WWC2: variants seen among roughly 807,000 people sequenced by gnomAD.
WWC2 encodes the protein protein WWC2.
Under a neutral mutation model 138.5 loss-of-function variants are expected in WWC2, and 101 were observed. The observed-to-expected ratio is 0.73, with a 90% confidence interval of 0.62 to 0.86. The LOEUF (loss-of-function observed/expected upper bound fraction) is 0.86, where lower values mean the gene tolerates loss of function less well. Among genes scored for constraint, WWC2 ranks in the 40% least tolerant of loss-of-function variants. The pLI is 0.00. For synonymous variants in WWC2, 558 were observed against 538.4 expected (o/e 1.04, Z -0.50); for missense variants, 1,420 against 1,419.4 (o/e 1.00, Z -0.01).
At chr4:183,230,640 G>T (rs1290155143) in intron 4 of WWC2, among the ~76,000 whole-genome samples, 2 of 151,980 alleles carry the variant, frequency 1.3e-5, no homozygotes, top group Non-Finnish European at 2.9e-5. Flanking sequence ...TTGTGTCATT[G>T]CACCCAGCCT....
chr4:183,109,825 G>C (rs1732171231), intron 1 of WWC2, among the ~76,000 whole-genome samples: 1 of 152,216 alleles, frequency 6.6e-6, no homozygotes, highest in African/African-American at 2.4e-5. Context: ...TGCTGAATTT[G>C]AGGAGCTGTC....
chr4:183,145,069 C>T (rs1339699261), intron 1 of WWC2, among the ~76,000 whole-genome samples: 5 of 152,104 alleles, frequency 3.3e-5, no homozygotes, highest in South Asian at 4.2e-4. Flanking sequence ...AGAGAGAAGG[C>T]GTTATCAATT....
chr4:183,311,135 T>G (rs1036378749), intron 21 of WWC2, among the ~76,000 whole-genome samples: 2 of 152,178 alleles, frequency 1.3e-5, no homozygotes, highest in Non-Finnish European at 2.9e-5. Context: ...AGTCCACAAA[T>G]ATTTATTGAT....
intron 21 of WWC2, among the ~76,000 whole-genome samples, chr4:183,297,436 C>T (rs1023006811): frequency 4.8e-5 from 7 of 147,026 alleles, no homozygotes; most frequent in African/African-American, 1.5e-4. Flanking sequence ...TGACATGGAG[C>T]TTCACTCTTG....
At chr4:183,262,775 T>TGTGCGTGC (rs533691294) in intron 11 of WWC2, among the ~76,000 whole-genome samples, 2 of 152,042 alleles carry the variant, frequency 1.3e-5, no homozygotes, top group South Asian at 2.1e-4. Flanking sequence ...GTACGGTGTG[T>TGTGCGTGC]GTGCGTGCGT....
chr4:183,182,620 C>T (rs77831943), intron 1 of WWC2, among the ~76,000 whole-genome samples: 1 of 150,248 alleles, frequency 6.7e-6, no homozygotes, highest in East Asian at 2.0e-4. Context: ...TAAAAACCTG[C>T]TGAATTATTG....
chr4:183,164,282 ATATATATATATATATATAC>A, intron 1 of WWC2, among the ~76,000 whole-genome samples: 1 of 466 alleles, frequency 2.1e-3, no homozygotes. Context: ...ATATATATAT[ATATATATATATATATATAC>A]ATATATATAT....
rs1736682191 is a variant in WWC2, at chr4:183,243,703, AGGGGATCT to A, written c.603-1712_603-1705del. Among the ~76,000 whole-genome samples, 14 of 149,352 alleles carry A rather than the reference AGGGGATCT, an allele frequency of 9.4e-5. No homozygotes were observed. In the South Asian group the frequency reaches 2.8e-3, roughly 29 times the overall value. ...TTCTTCATTTGGAAGAAATGTGACT[AGGGGATCT>A]TTAGGGGCCCTCCCCATTCTAAACA... On this transcript the variant is annotated intron_variant, in intron 5 of 22. Transcript: ENST00000403733.
At chr4:183,227,786 T>C (rs776760051) in intron 4 of WWC2, among the ~76,000 whole-genome samples, 11 of 152,042 alleles carry the variant, frequency 7.2e-5, no homozygotes, top group Admixed American at 2.0e-4. Context: ...CAGAATGTTA[T>C]ACACAGCAAA....
chr4:183,280,981 C>A, intron 17 of WWC2, 84 bp downstream of exon 17: 1 of 1,467,168 alleles, frequency 6.8e-7, no homozygotes, highest in South Asian at 1.5e-5. Flanking sequence ...TAGGCTCATG[C>A]TTTATTCCAG....
Position 183,099,365 on chromosome 4 carries a change from C to G in WWC2, c.-127C>G, listed in dbSNP as rs1160230135. 9.9e-7 allele frequency: 1 copy of G among 1,013,384 alleles called. No homozygotes were observed. Among genetic ancestry groups the G allele is most frequent in the East Asian group, 4.6e-5 (1 of 21,766 alleles). 62.8% of individuals were successfully genotyped at this position (1,013,384 alleles called of 1,614,324 possible). Reference sequence around the variant, plus strand: ...CGCGTGGTTCCGCCGCGCCCCGCGCCCTGCGCCCCTCAGCCCCTCGCCGGC... The same window carrying G: ...CGCGTGGTTCCGCCGCGCCCCGCGCGCTGCGCCCCTCAGCCCCTCGCCGGC... On this transcript the variant is annotated 5_prime_UTR_variant, in exon 1 of 23. Coordinates refer to ENST00000403733, the MANE Select transcript of WWC2 (RefSeq NM_024949.6).
chr4:183,244,339 C>A (rs967047978), intron 5 of WWC2, among the ~76,000 whole-genome samples: 1 of 152,040 alleles, frequency 6.6e-6, no homozygotes, highest in African/African-American at 2.4e-5. Context: ...CCTTCGAACA[C>A]AAAGAATTAG....
intron 4 of WWC2, among the ~76,000 whole-genome samples, chr4:183,223,863 T>C (rs1735994551): frequency 6.6e-6 from 1 of 152,138 alleles, no homozygotes; most frequent in Admixed American, 6.5e-5. Context: ...CCTGAGTAGC[T>C]GGGACTATAG....
chr4:183,226,933 G>C (rs1736091781), intron 4 of WWC2, among the ~76,000 whole-genome samples: 1 of 152,076 alleles, frequency 6.6e-6, no homozygotes. Flanking sequence ...GAACACTAAA[G>C]CTGGCTTTGC....
intron 2 of WWC2, among the ~76,000 whole-genome samples, chr4:183,200,190 TTTA>T (rs1735259846): frequency 6.6e-6 from 1 of 150,774 alleles, no homozygotes; most frequent in Non-Finnish European, 1.5e-5. Flanking sequence ...ATGCTGATAG[TTTA>T]TTATCATCAT....
At chr4:183,152,192 G>A (rs748069355) in intron 1 of WWC2, among the ~76,000 whole-genome samples, 3 of 152,008 alleles carry the variant, frequency 2.0e-5, no homozygotes, top group African/African-American at 2.4e-5. Context: ...GGGTCTGGTT[G>A]TTCTATGTAC....
chr4:183,282,561 C>A, intron 17 of WWC2, 147 bp from the exon 18 acceptor site: 1 of 754,924 alleles, frequency 1.3e-6, no homozygotes, highest in Non-Finnish European at 2.1e-6. Flanking sequence ...TTAAATGAGA[C>A]ATTTAGTTAA....
chr4:183,199,733 A>T (rs1735250473), intron 2 of WWC2, among the ~76,000 whole-genome samples: 1 of 152,200 alleles, frequency 6.6e-6, no homozygotes. Context: ...CTTCCATGAT[A>T]AGCTCTTGTA....
intron 4 of WWC2, among the ~76,000 whole-genome samples, chr4:183,235,321 A>G (rs1001829293): frequency 3.9e-5 from 6 of 152,186 alleles, no homozygotes; most frequent in Admixed American, 1.3e-4. Flanking sequence ...TGTCAAGTCA[A>G]TTTTAGATTT....
Sources: gnomAD v4.1 joint callset for allele counts (sites outside exome capture counted in the v4.1 genomes callset) on GRCh38, gnomAD v4.1.1 for gene constraint, MANE v1.5 for transcripts, NCBI Gene and HGNC (gene_info 2026-07-23, HGNC 2026-07-21) for gene names.